Variants in SGIP1 observed in about 807,000 individuals in gnomAD.
SGIP1 encodes the protein SH3-containing GRB2-like protein 3-interacting protein 1.
A neutral mutation model predicts 107.5 loss-of-function variants in SGIP1; 38 were observed. The observed-to-expected ratio is 0.35, with a 90% CI of 0.27 to 0.46. The LOEUF (loss-of-function observed/expected upper bound fraction) is 0.46. SGIP1 is among the 20% of genes least tolerant of loss of function. The probability of loss-of-function intolerance (pLI) is 1.00; values close to 1 mark genes in which losing one functional copy is unlikely to be tolerated. For missense variants in SGIP1, 929 were observed against 1,019.5 expected (o/e 0.91, Z 1.21); for synonymous variants, 365 against 366.1 (o/e 1.00, Z 0.03).
At chr1:66,680,429 G>A (rs1557597935) in intron 14 of SGIP1, among the ~76,000 whole-genome samples, 3 of 152,154 alleles carry the variant, frequency 2.0e-5, no homozygotes, top group Admixed American at 6.5e-5. Context: ...TTATGTGCCT[G>A]GGCCCTTAGA....
chr1:66,735,429 G>A (rs1031747451), intron 21 of SGIP1, among the ~76,000 whole-genome samples: 3 of 151,920 alleles, frequency 2.0e-5, no homozygotes, highest in African/African-American at 7.3e-5. Flanking sequence ...TGGCCAGGCT[G>A]GTCTTGAACT....
intron 1 of SGIP1, among the ~76,000 whole-genome samples, chr1:66,621,628 A>G (rs1458711506): frequency 6.6e-6 from 1 of 152,106 alleles, no homozygotes; most frequent in Non-Finnish European, 1.5e-5. Flanking sequence ...GCCTCTGTCA[A>G]CCTCCAATCT....
intron 1 of SGIP1, among the ~76,000 whole-genome samples, chr1:66,583,711 C>T (rs771556604): frequency 1.3e-5 from 2 of 152,132 alleles, no homozygotes; most frequent in Non-Finnish European, 2.9e-5. Flanking sequence ...TGTCCTTCTT[C>T]TGCATACTCC....
intron 1 of SGIP1, among the ~76,000 whole-genome samples, chr1:66,554,193 A>C (rs1471684542): frequency 1.3e-5 from 2 of 152,126 alleles, no homozygotes; most frequent in African/African-American, 4.8e-5. Context: ...GAGTCAATAC[A>C]ATTTCAGAAC....
intron 1 of SGIP1, among the ~76,000 whole-genome samples, chr1:66,564,140 T>C (rs2059341592): frequency 6.6e-6 from 1 of 152,132 alleles, no homozygotes; most frequent in East Asian, 1.9e-4. Context: ...CCTGCTGTAA[T>C]AGTCTCTGAG....
chr1:66,662,271 G>C (rs1348868878), intron 8 of SGIP1, among the ~76,000 whole-genome samples: 1 of 152,128 alleles, frequency 6.6e-6, no homozygotes, highest in African/African-American at 2.4e-5. Flanking sequence ...CTACAGAAAA[G>C]TCTTATTTGT....
At chr1:66,737,243 T>TA (rs2150705955) in intron 21 of SGIP1, among the ~76,000 whole-genome samples, 1 of 152,320 alleles carries the variant, frequency 6.6e-6, no homozygotes, top group East Asian at 1.9e-4. Context: ...TCGTGGACTC[T>TA]AATTATATAC....
intron 1 of SGIP1, among the ~76,000 whole-genome samples, chr1:66,538,431 T>C (rs1007221880): frequency 6.6e-6 from 1 of 152,144 alleles, no homozygotes; most frequent in Non-Finnish European, 1.5e-5. Context: ...AGAACCTCTT[T>C]AGATATATAT....
rs752523249 is a variant in SGIP1, at chr1:66,679,632, T to A, written c.740-46T>A. The A allele has an allele frequency of 2.5e-6, 4 of 1,574,932 alleles. No individual in the cohort carries two copies. In the East Asian group the frequency reaches 9.5e-5, roughly 37 times the overall value. ...CTTATTTAAAGTGTATTGTATGACT[T>A]AGGAAGCACATGACCAATGATACTT... On this transcript the variant is annotated intron_variant, in intron 13 of 24. Transcript: ENST00000371037.
chr1:66,739,646 T>C, intron 22 of SGIP1, 109 bp downstream of exon 22: 1 of 1,071,764 alleles, frequency 9.3e-7, no homozygotes. Context: ...GGCCTGTGCA[T>C]TAGGGTTCAG....
rs869266510 is a variant in SGIP1, at chr1:66,683,700, C to CTTTTTTTTTTTTTTTTTT, written c.1315+1342_1315+1359dup. On this transcript the variant is annotated intron_variant, in intron 15 of 24. Coordinates refer to ENST00000371037, the MANE Select transcript of SGIP1 (RefSeq NM_032291.4). ...ACCACACTGTTTGTTTGTTTCTTTT[C>CTTTTTTTTTTTTTTTTTT]TTTTTTTTTTTTTTTTTTTTTTTTT... Among the ~76,000 whole-genome samples the CTTTTTTTTTTTTTTTTTT allele has an allele frequency of 8.6e-3, 530 of 61,400 alleles. 92 individuals carry two copies. Among genetic ancestry groups the CTTTTTTTTTTTTTTTTTT allele is most frequent in the East Asian group, 0.051 (46 of 908 alleles). 40.3% of individuals were successfully genotyped at this position (61,400 alleles called of 152,430 possible).
At position 66,681,907 on chromosome 1, in the gene SGIP1, C is replaced by A. The variant is rs2086794076; in HGVS notation, c.853C>A (p.Leu285Ile). 6.2e-7 allele frequency: 1 copy of A among 1,613,684 alleles called. No homozygotes were observed. Among genetic ancestry groups the A allele is most frequent in the Admixed American group, 1.7e-5 (1 of 59,986 alleles). The change falls in exon 15 of 25, where the codon CTA becomes ATA. Residue 285 changes from leucine (L) to isoleucine (I), a missense_variant. By Grantham distance (5) the Leu-to-Ile change is conservative. This residue lies in a region of SGIP1 where 588 missense variants were observed against 588.6 expected (regional missense o/e 1.00). Transcript: ENST00000371037. The part of the protein sequence containing the change: ...QSATEVKIEK[L>I]PSINDLDSIF... The stretch of plus-strand genomic sequence containing the variant: ...AGCCACAGAGGTCAAAATTGAAAAA[C>A]TACCATCCATCAATGACTTGGACAG...
intron 3 of SGIP1, among the ~76,000 whole-genome samples, chr1:66,635,078 G>T (rs1426411390): frequency 2.0e-5 from 3 of 152,216 alleles, no homozygotes; most frequent in African/African-American, 7.2e-5. Context: ...ACTACAGGTG[G>T]TGGTGCACCT....
At chr1:66,549,095 C>T (rs1571160966) in intron 1 of SGIP1, among the ~76,000 whole-genome samples, 1 of 152,098 alleles carries the variant, frequency 6.6e-6, no homozygotes, top group South Asian at 2.1e-4. Flanking sequence ...GCTGGCTGTG[C>T]CCCCCTGGGC....
At position 66,706,680 on chromosome 1, in the gene SGIP1, A is replaced by T. The variant is rs965923117; in HGVS notation, c.1630+11187A>T. ...ATACACATTATAGAAAACTTGGAAA[A>T]ACAGAAAGGTATTTTTAAAAAGATC... is the stretch of plus-strand genomic sequence containing the variant. On this transcript the variant is annotated intron_variant, in intron 18 of 24. Coordinates refer to ENST00000371037, the MANE Select transcript of SGIP1 (RefSeq NM_032291.4). Among the ~76,000 whole-genome samples the T allele has an allele frequency of 5.3e-5, 8 of 151,910 alleles. No individual in the cohort carries two copies. The South Asian group carries it at 1.7e-3, about 31-fold the overall frequency.
In SGIP1 at chr1:66,741,405, A is replaced by C. The variant is rs771594499; in HGVS notation, c.2433A>C (p.Arg811=). The C allele has an allele frequency of 1.9e-6, 3 of 1,593,816 alleles. No individual in the cohort carries two copies. Among genetic ancestry groups the C allele is most frequent in the Non-Finnish European group, 2.6e-6 (3 of 1,170,900 alleles). ...TTGAACTTGTTGGAGCAGGGTATCG[A>C]TTTTCACTCATCAAGAAAAGGTTTG... ...CDIELVGAGY[R]FSLIKKRFAA... is the part of the protein sequence containing the mutation. Residue 811 remains arginine (R), a synonymous_variant, in exon 24 of 25, where the codon CGA becomes CGC. Coordinates refer to ENST00000371037, the MANE Select transcript of SGIP1 (RefSeq NM_032291.4).
At chr1:66,626,137 CTTTTTTTTTTTT>C (rs35959436) in intron 2 of SGIP1, 4 of 123,304 alleles carry the variant, frequency 3.2e-5, no homozygotes, top group East Asian at 1.5e-4. Context: ...TTCTTTCTTT[CTTTTTTTTTTTT>C]TTTTTTTTTT....
At chr1:66,742,533 T>G (rs1235333635) in intron 24 of SGIP1, among the ~76,000 whole-genome samples, 2 of 127,214 alleles carry the variant, frequency 1.6e-5, no homozygotes, top group Non-Finnish European at 3.2e-5. Context: ...GCAGTGGCGC[T>G]ATCCCGGCTC....
At chr1:66,704,182 T>G (rs1235055197) in intron 18 of SGIP1, 1 of 152,036 alleles carries the variant, frequency 6.6e-6, no homozygotes, top group African/African-American at 2.4e-5. Context: ...TTTGGAGAAG[T>G]TTCAGTTGTG....
Sources: gnomAD v4.1 joint callset for allele counts (sites outside exome capture counted in the v4.1 genomes callset) on GRCh38, gnomAD v4.1.1 for gene constraint, gnomAD v4.1.1 regional missense constraint, MANE v1.5 for transcripts, NCBI Gene and HGNC (gene_info 2026-07-23, HGNC 2026-07-21) for gene names.